The following ANKRD44 variants were observed in gnomAD, a reference collection of about 807,000 sequenced individuals.
ANKRD44 encodes the protein serine/threonine-protein phosphatase 6 regulatory ankyrin repeat subunit B.
ANKRD44 carries 35 observed loss-of-function variants against 116.0 expected under a neutral mutation model. That is an observed-to-expected ratio of 0.30 (90% CI 0.23 to 0.40). The LOEUF is 0.40. Ranked by LOEUF, ANKRD44 falls within the 10% of genes least tolerant of loss-of-function variation. The probability of loss-of-function intolerance (pLI) is 1.00; values close to 1 mark genes in which losing one functional copy is unlikely to be tolerated. For missense variants in ANKRD44, 1,014 were observed against 1,242.6 expected (o/e 0.82, Z 2.77); for synonymous variants, 435 against 461.8 (o/e 0.94, Z 0.74).
downstream of ANKRD44, among the ~76,000 whole-genome samples, chr2:196,982,924 G>A (rs1262448759): frequency 1.3e-5 from 2 of 152,096 alleles, no homozygotes; most frequent in African/African-American, 2.4e-5. Flanking sequence ...AACTAACACA[G>A]GAACAGAAAA....
intron 25 of ANKRD44, among the ~76,000 whole-genome samples, chr2:196,997,623 A>G (rs1001538702): frequency 6.6e-6 from 1 of 151,676 alleles, no homozygotes; most frequent in African/African-American, 2.4e-5. Flanking sequence ...GTAATTTTGT[A>G]TTTTTAGTAG....
At chr2:197,160,129 G>A (rs1009132571) in intron 2 of ANKRD44, among the ~76,000 whole-genome samples, 6 of 152,072 alleles carry the variant, frequency 3.9e-5, no homozygotes, top group Admixed American at 3.3e-4. Flanking sequence ...GAGTCAGAAT[G>A]ACCCAACTTT....
intron 13 of ANKRD44, among the ~76,000 whole-genome samples, chr2:197,085,691 C>T (rs1381914179): frequency 6.7e-6 from 1 of 148,958 alleles, no homozygotes; most frequent in Non-Finnish European, 1.5e-5. Flanking sequence ...ATGAATAATC[C>T]ACCCCTTGTT....
intron 8 of ANKRD44, among the ~76,000 whole-genome samples, chr2:197,118,516 G>T (rs146967944): frequency 6.6e-6 from 1 of 151,992 alleles, no homozygotes; most frequent in African/African-American, 2.4e-5. Flanking sequence ...CTTGAACTCA[G>T]GAGGCAGAAG....
intron 4 of ANKRD44, among the ~76,000 whole-genome samples, chr2:197,130,216 G>C (rs977354580): frequency 3.9e-5 from 6 of 152,164 alleles, no homozygotes; most frequent in African/African-American, 1.4e-4. Flanking sequence ...CAATTAATGG[G>C]ATTGTTCCTC....
intron 1 of ANKRD44, among the ~76,000 whole-genome samples, chr2:197,266,888 A>G (rs1412759145): frequency 6.6e-6 from 1 of 152,168 alleles, no homozygotes; most frequent in African/African-American, 2.4e-5. Context: ...CGGTCTGTTA[A>G]AAATAATAAA....
In ANKRD44 at chr2:197,212,929, T is replaced by G. The variant is rs183665425; in HGVS notation, c.28-25823A>C. On this transcript the variant is annotated intron_variant, in intron 1 of 27. Coordinates refer to ENST00000282272, the MANE Select transcript of ANKRD44 (RefSeq NM_001195144.2). The surrounding 1 kb of genome is among the most constrained non-coding windows in gnomAD (Gnocchi z 4.8). ...AGTGTGAACATCTCACAGAGCTGAC[T>G]GGGATTCTAGTGTTTAAAGAAACAT... Among the ~76,000 whole-genome samples, 6 of 152,328 alleles carry G rather than the reference T, an allele frequency of 3.9e-5. No homozygotes were observed. The East Asian group carries it at 1.2e-3, about 29-fold the overall frequency.
At position 197,203,415 on chromosome 2, in the gene ANKRD44, G is replaced by A. The variant is rs2081136642; in HGVS notation, c.28-16309C>T. ...AGATACCATTTCACACACACTAGAT[G>A]GCTAAAACAAAACAAACAAACGAAA... On this transcript the variant is annotated intron_variant, in intron 1 of 27. Coordinates refer to ENST00000282272, the MANE Select transcript of ANKRD44 (RefSeq NM_001195144.2). This position sits in a 1 kb window ranked among gnomAD's most constrained non-coding sequence, Gnocchi z 4.1. 1.3e-5 allele frequency among the ~76,000 whole-genome samples: 2 copies of A among 152,144 alleles called. No homozygotes were observed. Among genetic ancestry groups the A allele is most frequent in the Admixed American group, 1.3e-4 (2 of 15,268 alleles).
At chr2:197,105,810 T>C (rs548973486) in intron 9 of ANKRD44, among the ~76,000 whole-genome samples, 1 of 152,276 alleles carries the variant, frequency 6.6e-6, no homozygotes, top group South Asian at 2.1e-4. Flanking sequence ...CAATCCAGTG[T>C]GCACGTATCC....
intron 16 of ANKRD44, chr2:197,029,662 C>A: frequency 3.3e-6 from 1 of 306,312 alleles, no homozygotes; most frequent in South Asian, 2.9e-5. Context: ...ATCCTCATTA[C>A]AGGCAATGCA....
chr2:197,291,945 T>C (rs950191846), intron 1 of ANKRD44, among the ~76,000 whole-genome samples: 13 of 152,220 alleles, frequency 8.5e-5, no homozygotes, highest in African/African-American at 3.1e-4. Flanking sequence ...GTCCCTGTGA[T>C]AGTTTGCTGA....
chr2:197,184,142 G>A (rs2080588362), intron 2 of ANKRD44, among the ~76,000 whole-genome samples: 1 of 152,144 alleles, frequency 6.6e-6, no homozygotes, highest in Non-Finnish European at 1.5e-5. Flanking sequence ...AGACAAATAA[G>A]TGGCATCACT....
chr2:197,081,583 C>A lies in ANKRD44; in HGVS notation c.1538+62G>T, dbSNP rs957321630. ...AATAGTAAGGCAGGCAACGTGGCAACTCAGAAAAGCAGAAGAAGCGTCAGA... is the reference window on the plus strand; with the variant it reads ...AATAGTAAGGCAGGCAACGTGGCAAATCAGAAAAGCAGAAGAAGCGTCAGA... On this transcript the variant is annotated intron_variant, in intron 15 of 27. Coordinates refer to ENST00000282272, the MANE Select transcript of ANKRD44 (RefSeq NM_001195144.2). 3.4e-5 allele frequency: 50 copies of A among 1,490,204 alleles called. No homozygotes were observed. The East Asian group carries it at 1.1e-3, about 33-fold the overall frequency. The allele number at this position is 1,490,204 out of a possible 1,614,324, so 92.3% of individuals were successfully genotyped here.
At chr2:197,182,315 T>G (rs995453587) in intron 2 of ANKRD44, among the ~76,000 whole-genome samples, 1 of 152,206 alleles carries the variant, frequency 6.6e-6, no homozygotes, top group African/African-American at 2.4e-5. Flanking sequence ...AAAGACTCAG[T>G]GTGCCCCTCC....
At chr2:197,202,572 T>C (rs945513270) in intron 1 of ANKRD44, among the ~76,000 whole-genome samples, 6 of 151,930 alleles carry the variant, frequency 3.9e-5, no homozygotes, top group Admixed American at 6.6e-5. Flanking sequence ...AGGCCTCTTT[T>C]TTGTTTTTTG....
At chr2:197,253,553 AT>A (rs1262862218) in intron 1 of ANKRD44, among the ~76,000 whole-genome samples, 31 of 151,554 alleles carry the variant, frequency 2.0e-4, no homozygotes, top group Non-Finnish European at 4.4e-5. Flanking sequence ...TGCTATATAT[AT>A]TTATTGCATA....
intron 1 of ANKRD44, among the ~76,000 whole-genome samples, chr2:197,204,870 T>C (rs1325890318): frequency 6.6e-6 from 1 of 152,206 alleles, no homozygotes; most frequent in Non-Finnish European, 1.5e-5. Context: ...GGTTAATTCA[T>C]GTGTCTCTAG....
chr2:197,042,200 C>T (rs879399525), intron 16 of ANKRD44, among the ~76,000 whole-genome samples: 2 of 152,150 alleles, frequency 1.3e-5, no homozygotes, highest in Non-Finnish European at 2.9e-5. Context: ...ACCTTAGCCA[C>T]ACACTATCCT....
rs112340946 is a variant in ANKRD44 at position 196,988,089 on chromosome 2, C to T, written c.*1502G>A. On this transcript the variant is annotated 3_prime_UTR_variant, in exon 28 of 28. Transcript: ENST00000282272. ...AGTAAGAGAGTGGGAAAAGTCAAAA[C>T]GCAGCTCCATGGAGATAACGTCTCA... 6.5e-4 allele frequency: 640 copies of T among 985,290 alleles called. 4 individuals carry two copies. The highest frequency in any genetic ancestry group is 6.0e-3 in the African/African-American group (344 of 57,304). The allele number at this position is 985,290 out of a possible 1,614,324, so 61.0% of individuals were successfully genotyped here. A position where few individuals can be genotyped will look rare whatever the true frequency, so the allele number is the denominator to read the frequency against.
Sources: allele counts gnomAD v4.1 joint callset (sites outside exome capture counted in the v4.1 genomes callset), GRCh38; gene constraint gnomAD v4.1.1; non-coding constraint Gnocchi (gnomAD v3.1); transcripts MANE v1.5; gene names NCBI Gene and HGNC (gene_info 2026-07-23, HGNC 2026-07-21).